The following MLXIPL variants were observed in gnomAD, a reference collection of about 807,000 sequenced individuals.
MLXIPL encodes the protein carbohydrate-responsive element-binding protein.
In MLXIPL, 49 loss-of-function variants were observed where a neutral mutation model predicts 81.5. The observed-to-expected ratio is 0.60, with a 90% CI of 0.48 to 0.76. The LOEUF is 0.76. MLXIPL is among the 30% of genes least tolerant of loss of function. The probability of loss-of-function intolerance (pLI) is 0.00; values close to 1 mark genes in which losing one functional copy is unlikely to be tolerated. For synonymous variants in MLXIPL, 466 were observed against 485.5 expected (o/e 0.96, Z 0.53); for missense variants, 1,053 against 1,167.0 (o/e 0.90, Z 1.42).
rs564651618 is a variant in MLXIPL at position 73,612,176 on chromosome 7, T to C, written c.400+3895A>G. On this transcript the variant is annotated intron_variant, in intron 2 of 16. Transcript: ENST00000313375. ...CCCTGCCCCTACAAAAAATTAAAAA[T>C]AAAAAATAGCTGGGTGTGGGGGCGC... is the stretch of plus-strand genomic sequence containing the variant. Among the ~76,000 whole-genome samples the C allele has an allele frequency of 4.7e-5, 7 of 148,692 alleles. No homozygotes were observed. The South Asian group carries it at 1.1e-3, about 23-fold the overall frequency.
At position 73,622,709 on chromosome 7, in the gene MLXIPL, C is replaced by T. The variant is rs140587810; in HGVS notation, c.293+1491G>A. Among the ~76,000 whole-genome samples the T allele has an allele frequency of 5.4e-3, 812 of 151,384 alleles. 9 individuals carry two copies. The highest frequency in any genetic ancestry group is 0.018 in the African/African-American group (761 of 41,218). ...ACAGTCCTCTCTACCCCAGCTATCTCTGACTGGGGTTACATCAGCCTTGAG... is the reference window on the plus strand; with the variant it reads ...ACAGTCCTCTCTACCCCAGCTATCTTTGACTGGGGTTACATCAGCCTTGAG... On this transcript the variant is annotated intron_variant, in intron 1 of 16. Transcript: ENST00000313375.
chr7:73,596,517 C>G lies in MLXIPL; in HGVS notation c.1823-38G>C, dbSNP rs1388491515. On this transcript the variant is annotated intron_variant, in intron 11 of 16. Coordinates refer to ENST00000313375, the MANE Select transcript of MLXIPL (RefSeq NM_032951.3). This position sits in a 1 kb window ranked among gnomAD's most constrained non-coding sequence, Gnocchi z 4.7. ...CAGACAGACCCACAGAAAGACCGACCCAGGGGAAAGGGTCCCCATTGCCCC... is the reference window on the plus strand; with the variant it reads ...CAGACAGACCCACAGAAAGACCGACGCAGGGGAAAGGGTCCCCATTGCCCC... The G allele has an allele frequency of 6.2e-7, 1 of 1,611,122 alleles. No individual in the cohort carries two copies. Among genetic ancestry groups the G allele is most frequent in the African/African-American group, 1.3e-5 (1 of 74,836 alleles).
In MLXIPL at chr7:73,596,302, G is replaced by C; in HGVS notation, c.1939-30C>G. 6.2e-7 allele frequency: 1 copy of C among 1,613,156 alleles called. No individual in the cohort carries two copies. The highest frequency in any genetic ancestry group is 8.5e-7 in the Non-Finnish European group (1 of 1,179,822). On this transcript the variant is annotated intron_variant, in intron 12 of 16. Coordinates refer to ENST00000313375, the MANE Select transcript of MLXIPL (RefSeq NM_032951.3). The surrounding 1 kb of genome is among the most constrained non-coding windows in gnomAD (Gnocchi z 4.7). Reference sequence around the variant, plus strand: ...GGGAGCAGAGAGTTGGGTGAGCCTAGGAAGGAGCCCAGGAGGGCCTGGGGG... The same window carrying C: ...GGGAGCAGAGAGTTGGGTGAGCCTACGAAGGAGCCCAGGAGGGCCTGGGGG...
chr7:73,615,671 T>A (rs1357895547), intron 2 of MLXIPL, among the ~76,000 whole-genome samples: 1 of 151,982 alleles, frequency 6.6e-6, no homozygotes, highest in Non-Finnish European at 1.5e-5. Flanking sequence ...TCCCAGCACT[T>A]TGGGAGGCCA....
chr7:73,629,402 A>G (rs1554604177), upstream of MLXIPL, among the ~76,000 whole-genome samples: 1 of 152,116 alleles, frequency 6.6e-6, no homozygotes, highest in African/African-American at 2.4e-5. Flanking sequence ...GTGATGACGC[A>G]CGTGCTTTTC....
At chr7:73,618,237 C>T (rs1438259512) in intron 1 of MLXIPL, among the ~76,000 whole-genome samples, 2 of 152,218 alleles carry the variant, frequency 1.3e-5, no homozygotes, top group Admixed American at 6.5e-5. Context: ...GCTGGGATTA[C>T]AGGCATATGC....
upstream of MLXIPL, among the ~76,000 whole-genome samples, chr7:73,627,917 T>A (rs1190221514): frequency 6.6e-6 from 1 of 152,130 alleles, no homozygotes; most frequent in Admixed American, 6.6e-5. Flanking sequence ...TCTCTGTCTC[T>A]CTGTCTTACT....
At chr7:73,598,242 C>T (rs1794509691) in intron 8 of MLXIPL, among the ~76,000 whole-genome samples, 1 of 152,094 alleles carries the variant, frequency 6.6e-6, no homozygotes, top group Non-Finnish European at 1.5e-5. Flanking sequence ...CATCCATTCA[C>T]CTACCTATTT....
At chr7:73,621,533 A>G (rs1448693351) in intron 1 of MLXIPL, among the ~76,000 whole-genome samples, 2 of 151,824 alleles carry the variant, frequency 1.3e-5, no homozygotes, top group African/African-American at 4.8e-5. Context: ...CAGCTCCTGT[A>G]ATCTGCTCCC....
At position 73,624,246 on chromosome 7, in the gene MLXIPL, C is replaced by A. The variant is rs1796573733; in HGVS notation, c.247G>T (p.Asp83Tyr). The A allele has an allele frequency of 6.3e-7, 1 of 1,586,958 alleles. No homozygotes were observed. Among genetic ancestry groups the A allele is most frequent in the Non-Finnish European group, 8.6e-7 (1 of 1,167,552 alleles). ...GPSDFGPRSI[D>Y]PTLTRLFECL... ...TCGAAGAGGCGTGTGAGTGTGGGGT[C>A]GATACTGCGCGGCCCGAAGTCGGAG... Residue 83 changes from aspartate to tyrosine, a missense_variant, in exon 1 of 17, where the codon GAC (aspartate) becomes TAC (tyrosine). Physicochemically the swap from Asp to Tyr is radical, Grantham distance 160. This residue lies in a region of MLXIPL where 226 missense variants were observed against 216.2 expected (regional missense o/e 1.05). Coordinates refer to ENST00000313375, the MANE Select transcript of MLXIPL (RefSeq NM_032951.3).
chr7:73,645,633 T>A, the MLXIPL span, among the ~76,000 whole-genome samples: 1 of 152,150 alleles, frequency 6.6e-6, no homozygotes. Flanking sequence ...GCACCACCCA[T>A]GTTGCTTCCA....
Position 73,599,628 on chromosome 7 carries a change from G to C in MLXIPL, c.969C>G (p.Phe323Leu), listed in dbSNP as rs782408766. Reference protein sequence around the residue: ...MPSNFPEPPSFSPVVDSLFSS... With the variant: ...MPSNFPEPPSLSPVVDSLFSS... ...TGAAGAGGGAGTCAACCACGGGGCT[G>C]AAGCTGGGGGGCTCTGGGAAGTTTG... The change falls in exon 8 of 17, where the codon TTC becomes TTG. Residue 323 changes from phenylalanine (F) to leucine (L), a missense_variant. This residue lies in a region of MLXIPL where 823 missense variants were observed against 933.0 expected (regional missense o/e 0.88). Transcript: ENST00000313375. 4.3e-6 allele frequency: 7 copies of C among 1,610,390 alleles called. No homozygotes were observed. Among genetic ancestry groups the C allele is most frequent in the Non-Finnish European group, 5.9e-6 (7 of 1,177,966 alleles).
chr7:73,605,685 C>T lies in MLXIPL; in HGVS notation c.901+3G>A. The T allele has an allele frequency of 5.0e-6, 8 of 1,613,406 alleles. No homozygotes were observed. The highest frequency in any genetic ancestry group is 5.9e-6 in the Non-Finnish European group (7 of 1,179,882). ...ACCCGACCTGGGGAGGGGCTCGCCC[C>T]ACCTGAGATGTCCATGAAGTCATCC... On this transcript the variant is annotated splice_donor_region_variant and intron_variant, in intron 7 of 16. Coordinates refer to ENST00000313375, the MANE Select transcript of MLXIPL (RefSeq NM_032951.3).
intron 1 of MLXIPL, among the ~76,000 whole-genome samples, chr7:73,622,716 G>C (rs1419358894): frequency 6.6e-6 from 1 of 151,474 alleles, no homozygotes; most frequent in Non-Finnish European, 1.5e-5. Context: ...TCTCTGACTG[G>C]GGTTACATCA....
chr7:73,611,300 G>A (rs1327945340), intron 2 of MLXIPL: 1 of 152,184 alleles, frequency 6.6e-6, no homozygotes, highest in Non-Finnish European at 1.5e-5. Flanking sequence ...GGGAGTAAAA[G>A]CAGCTCCTGC....
Position 73,596,500 on chromosome 7 carries a change from C to T in MLXIPL, c.1823-21G>A. On this transcript the variant is annotated intron_variant, in intron 11 of 16. Coordinates refer to ENST00000313375, the MANE Select transcript of MLXIPL (RefSeq NM_032951.3). This position sits in a 1 kb window ranked among gnomAD's most constrained non-coding sequence, Gnocchi z 4.7. ...ACTGCCTGTGGTAGGGACAGACAGACCCACAGAAAGACCGACCCAGGGGAA... is the reference window on the plus strand; with the variant it reads ...ACTGCCTGTGGTAGGGACAGACAGATCCACAGAAAGACCGACCCAGGGGAA... The T allele has an allele frequency of 6.2e-7, 1 of 1,612,478 alleles. No individual in the cohort carries two copies.
intron 1 of MLXIPL, among the ~76,000 whole-genome samples, chr7:73,619,670 C>A (rs1796214801): frequency 6.6e-6 from 1 of 151,262 alleles, no homozygotes; most frequent in South Asian, 2.1e-4. Flanking sequence ...GTGGCTCAAG[C>A]CTGTAATCCC....
chr7:73,597,437 G>A lies in MLXIPL; in HGVS notation c.1348C>T (p.Pro450Ser), dbSNP rs782339784. ...GTGGGTGGGAAGGCTGCAGGAGCAG[G>A]CAGCGGAGACACTCCTGGGGCAGGA... ...VPPAPGVSPL[P>S]APAAFPPTPQ... is the part of the protein sequence containing the mutation. Residue 450 changes from proline (P) to serine (S), a missense_variant, in exon 9 of 17, where the codon CCT becomes TCT. Physicochemically the swap from Pro to Ser is moderately conservative, Grantham distance 74. Coordinates refer to ENST00000313375, the MANE Select transcript of MLXIPL (RefSeq NM_032951.3). 1.4e-6 allele frequency: 2 copies of A among 1,435,886 alleles called. No individual in the cohort carries two copies. Among genetic ancestry groups the A allele is most frequent in the South Asian group, 1.6e-5 (1 of 64,422 alleles). The allele number at this position is 1,435,886 out of a possible 1,614,324, so 88.9% of individuals were successfully genotyped here. A position where few individuals can be genotyped will look rare whatever the true frequency, so the allele number is the denominator to read the frequency against.
chr7:73,640,017 G>A, the MLXIPL span, among the ~76,000 whole-genome samples: 1 of 151,296 alleles, frequency 6.6e-6, no homozygotes, highest in Admixed American at 6.6e-5. Context: ...AGCCAAGATC[G>A]CACCACTCCA....
Sources: allele counts gnomAD v4.1 joint callset (sites outside exome capture counted in the v4.1 genomes callset), GRCh38; gene constraint gnomAD v4.1.1; regional missense constraint gnomAD v4.1.1; non-coding constraint Gnocchi (gnomAD v3.1); transcripts MANE v1.5; gene names NCBI Gene and HGNC (gene_info 2026-07-23, HGNC 2026-07-21).